MGMT: variants seen among roughly 807,000 people sequenced by gnomAD.
MGMT encodes methylated-DNA--protein-cysteine methyltransferase.
Under a neutral mutation model 15.9 loss-of-function variants are expected in MGMT, and 14 were observed. That is an observed-to-expected ratio of 0.88 (90% confidence interval 0.58 to 1.37). The LOEUF is 1.37. MGMT is among the 40% of genes most tolerant of loss of function. The pLI is 0.00. For synonymous variants in MGMT, 130 were observed against 118.2 expected, an observed-to-expected ratio of 1.10 and a Z score of -0.65; for missense variants, 282 against 268.1, an observed-to-expected ratio of 1.05 and a Z score of -0.36.
chr10:129,583,944 G>C (rs976689315), intron 2 of MGMT, among the ~76,000 whole-genome samples: 2 of 152,262 alleles, frequency 1.3e-5, no homozygotes, highest in African/African-American at 4.8e-5. Context: ...GAGGCAGGAC[G>C]TGGAGCACCA....
intron 2 of MGMT, among the ~76,000 whole-genome samples, chr10:129,620,105 T>A (rs1451497602): frequency 6.6e-6 from 1 of 152,194 alleles, no homozygotes; most frequent in African/African-American, 2.4e-5. Context: ...TGATCCTTTC[T>A]AAGATTGGTC....
At chr10:129,621,436 C>CT (rs1847089211) in intron 2 of MGMT, among the ~76,000 whole-genome samples, 1 of 152,208 alleles carries the variant, frequency 6.6e-6, no homozygotes, top group South Asian at 2.1e-4. Flanking sequence ...AGAAAGTACT[C>CT]TTTTCACGTA....
chr10:129,604,463 C>T (rs956400297), intron 2 of MGMT, among the ~76,000 whole-genome samples: 2 of 152,210 alleles, frequency 1.3e-5, no homozygotes, highest in African/African-American at 2.4e-5. Flanking sequence ...AATCAGCAGT[C>T]GTGAAAACGT....
At chr10:129,491,551 T>G (rs1845469159) in intron 1 of MGMT, among the ~76,000 whole-genome samples, 1 of 152,200 alleles carries the variant, frequency 6.6e-6, no homozygotes, top group South Asian at 2.1e-4. Context: ...AATCTGTCCT[T>G]TCCTCTCGGA....
In MGMT at chr10:129,723,005, C is replaced by CAA. The variant is rs3039560; in HGVS notation, c.274+14987_274+14988dup. ...TGGGTGACAGAGGAAGACTCTATCA[C>CAA]AAAAAAAAAAAAAAAAAAAAAAAAA... On this transcript the variant is annotated intron_variant, in intron 3 of 4. Transcript: ENST00000651593. Among the ~76,000 whole-genome samples, 284 of 60,264 alleles carry CAA rather than the reference C, an allele frequency of 4.7e-3. 31 individuals are homozygous for CAA. The highest frequency in any genetic ancestry group is 0.016 in the African/African-American group (238 of 15,010). The allele number at this position is 60,264 out of a possible 152,430, so 39.5% of individuals were successfully genotyped here.
At chr10:129,759,650 G>A (rs991846247) in intron 4 of MGMT, among the ~76,000 whole-genome samples, 4 of 152,272 alleles carry the variant, frequency 2.6e-5, no homozygotes, top group African/African-American at 9.6e-5. Flanking sequence ...TGCCCCACCT[G>A]CTCACTCAGG....
chr10:129,591,933 A>T (rs1846691814), intron 2 of MGMT, among the ~76,000 whole-genome samples: 3 of 152,234 alleles, frequency 2.0e-5, no homozygotes, highest in Admixed American at 6.5e-5. Context: ...TCCGTCTCAA[A>T]AAATAAATAA....
At chr10:129,690,213 G>A (rs1478035857) in intron 2 of MGMT, among the ~76,000 whole-genome samples, 3 of 152,252 alleles carry the variant, frequency 2.0e-5, no homozygotes, top group Admixed American at 2.0e-4. Flanking sequence ...TGGTTAAGTT[G>A]TAGAATTATG....
chr10:129,611,334 G>C (rs1846957139), intron 2 of MGMT, among the ~76,000 whole-genome samples: 1 of 152,198 alleles, frequency 6.6e-6, no homozygotes, highest in Admixed American at 6.5e-5. Flanking sequence ...CATCCTCATG[G>C]ATGGAGCAGG....
chr10:129,567,087 G>A (rs1846363397), intron 2 of MGMT, among the ~76,000 whole-genome samples: 1 of 152,120 alleles, frequency 6.6e-6, no homozygotes, highest in African/African-American at 2.4e-5. Context: ...CCCGGAAAAG[G>A]GATCCTTAGA....
At chr10:129,544,738 A>G (rs2119776172) in intron 2 of MGMT, among the ~76,000 whole-genome samples, 1 of 152,278 alleles carries the variant, frequency 6.6e-6, no homozygotes, top group South Asian at 2.1e-4. Flanking sequence ...CCCTCGCCTC[A>G]TTGCAGTTTG....
At chr10:129,744,811 C>T (rs974956872) in intron 3 of MGMT, among the ~76,000 whole-genome samples, 8 of 152,206 alleles carry the variant, frequency 5.3e-5, no homozygotes, top group Admixed American at 6.5e-5. Context: ...AAGTAGATGC[C>T]GGGTGGGGAT....
intron 2 of MGMT, among the ~76,000 whole-genome samples, chr10:129,620,232 C>T (rs80291700): frequency 2.0e-5 from 3 of 152,156 alleles, no homozygotes; most frequent in Non-Finnish European, 4.4e-5. Flanking sequence ...TTTAATATCA[C>T]TCTGTTAAAT....
At chr10:129,541,636 G>A (rs540079799) in intron 2 of MGMT, among the ~76,000 whole-genome samples, 2 of 151,942 alleles carry the variant, frequency 1.3e-5, no homozygotes, top group East Asian at 1.9e-4. Flanking sequence ...AGCTAAGGGG[G>A]CTCATCTTTC....
At chr10:129,631,285 T>C (rs1353131741) in intron 2 of MGMT, among the ~76,000 whole-genome samples, 1 of 152,210 alleles carries the variant, frequency 6.6e-6, no homozygotes, top group Non-Finnish European at 1.5e-5. Context: ...GCTCTCTGTT[T>C]TCATAGCTGT....
chr10:129,749,785 G>A (rs1848733293), intron 3 of MGMT, among the ~76,000 whole-genome samples: 1 of 152,038 alleles, frequency 6.6e-6, no homozygotes, highest in African/African-American at 2.4e-5. Context: ...GCAGTTTTTG[G>A]TACTGTCACT....
chr10:129,714,075 C>T (rs1320881471), intron 3 of MGMT, among the ~76,000 whole-genome samples: 1 of 152,228 alleles, frequency 6.6e-6, no homozygotes, highest in Non-Finnish European at 1.5e-5. Context: ...CTCGCAGCCC[C>T]AGCATCCAAA....
intron 2 of MGMT, among the ~76,000 whole-genome samples, chr10:129,652,967 G>T (rs1229724807): frequency 2.6e-5 from 4 of 152,242 alleles, no homozygotes; most frequent in African/African-American, 9.6e-5. Context: ...AGTGTGGGCT[G>T]AGGGTGCCAG....
chr10:129,536,712 GTC>G (rs1313158111), intron 2 of MGMT: 4 of 186,850 alleles, frequency 2.1e-5, no homozygotes, highest in Non-Finnish European at 4.4e-5. Context: ...TTCGGCATAT[GTC>G]TCTGGAAATT....
Sources: gnomAD v4.1 joint callset for allele counts (sites outside exome capture counted in the v4.1 genomes callset) on GRCh38, gnomAD v4.1.1 for gene constraint, MANE v1.5 for transcripts, NCBI Gene and HGNC (gene_info 2026-07-23, HGNC 2026-07-21) for gene names.